The following NFIA variants were observed in gnomAD, a reference collection of about 807,000 sequenced individuals.
NFIA encodes nuclear factor 1 A-type.
Under a neutral mutation model 62.8 loss-of-function variants are expected in NFIA, and 8 were observed. The ratio of observed to expected loss-of-function variants is 0.13; its 90% confidence interval spans 0.07 to 0.23. NFIA has a LOEUF of 0.23. Among genes scored for constraint, NFIA ranks in the 10% least tolerant of loss-of-function variants. The pLI, the probability that NFIA is intolerant of heterozygous loss-of-function variation, is 1.00. For synonymous variants in NFIA, 235 were observed against 238.1 expected, an observed-to-expected ratio of 0.99 and a Z score of 0.12; for missense variants, 410 against 642.1, an observed-to-expected ratio of 0.64 and a Z score of 3.91.
At chr1:61,371,743 G>A (rs1663896751) in intron 6 of NFIA, among the ~76,000 whole-genome samples, 1 of 152,076 alleles carries the variant, frequency 6.6e-6, no homozygotes, top group Non-Finnish European at 1.5e-5. Flanking sequence ...TCATTTGAGA[G>A]TTAGTAAGTG....
intron 4 of NFIA, among the ~76,000 whole-genome samples, chr1:61,337,274 C>T (rs544344500): frequency 2.6e-5 from 4 of 152,088 alleles, no homozygotes; most frequent in African/African-American, 9.6e-5. Flanking sequence ...AAGCTGCAAT[C>T]TTCCGTGAAC....
intron 2 of NFIA, among the ~76,000 whole-genome samples, chr1:61,240,983 T>C (rs1477675282): frequency 2.0e-5 from 3 of 151,686 alleles, no homozygotes; most frequent in East Asian, 3.9e-4. Flanking sequence ...TTTTTTTTTT[T>C]AGTCCAGTTC....
chr1:61,430,395 C>A (rs549769018), intron 10 of NFIA, among the ~76,000 whole-genome samples: 10 of 152,296 alleles, frequency 6.6e-5, no homozygotes, highest in Non-Finnish European at 1.2e-4. Context: ...TGTAGTCCTA[C>A]TGTTAACATT....
At chr1:61,325,137 G>A (rs1293857488) in intron 3 of NFIA, among the ~76,000 whole-genome samples, 3 of 152,094 alleles carry the variant, frequency 2.0e-5, no homozygotes, top group Admixed American at 1.3e-4. Context: ...TTTTCTGAGA[G>A]GCCCTATTCA....
At chr1:61,259,124 A>G (rs917704583) in intron 2 of NFIA, among the ~76,000 whole-genome samples, 1 of 152,220 alleles carries the variant, frequency 6.6e-6, no homozygotes, top group Non-Finnish European at 1.5e-5. Flanking sequence ...TTATATTTCA[A>G]ATATTACATT....
At chr1:61,156,828 G>T (rs1245568969) in intron 2 of NFIA, among the ~76,000 whole-genome samples, 2 of 152,194 alleles carry the variant, frequency 1.3e-5, no homozygotes, top group Non-Finnish European at 2.9e-5. Flanking sequence ...CTTTAAAAGG[G>T]TTTCCTCTTT....
chr1:61,083,976 AAT>A (rs1161826433), intron 1 of NFIA, among the ~76,000 whole-genome samples: 1 of 151,544 alleles, frequency 6.6e-6, no homozygotes, highest in African/African-American at 2.4e-5. Context: ...GTCCCCTTTG[AAT>A]ATGTTATTTG....
chr1:61,449,138 C>T (rs1401212440), intron 10 of NFIA, among the ~76,000 whole-genome samples: 2 of 152,190 alleles, frequency 1.3e-5, no homozygotes, highest in African/African-American at 4.8e-5. Context: ...CAGTTGGCCG[C>T]AACTGGCCCC....
intron 2 of NFIA, among the ~76,000 whole-genome samples, chr1:61,203,594 C>T (rs1652681018): frequency 6.6e-6 from 1 of 152,076 alleles, no homozygotes; most frequent in Non-Finnish European, 1.5e-5. Flanking sequence ...GTCCAGCCTT[C>T]CTTGATTAGC....
chr1:61,373,576 TCTCTATCATGTTTTAA>T, intron 6 of NFIA, among the ~76,000 whole-genome samples: 1 of 152,190 alleles, frequency 6.6e-6, no homozygotes, highest in South Asian at 2.1e-4. Context: ...AAGCTCTAGC[TCTCTATCATGTTTTAA>T]CTGACAGAAG....
At chr1:61,232,089 A>G (rs1654710725) in intron 2 of NFIA, among the ~76,000 whole-genome samples, 1 of 152,210 alleles carries the variant, frequency 6.6e-6, no homozygotes, top group Non-Finnish European at 1.5e-5. Context: ...AATGTAATGC[A>G]TTGGGAAAGT....
At chr1:61,152,151 T>C (rs971362918) in intron 2 of NFIA, among the ~76,000 whole-genome samples, 1 of 152,132 alleles carries the variant, frequency 6.6e-6, no homozygotes, top group African/African-American at 2.4e-5. Flanking sequence ...TTTATGGTTG[T>C]TTATTCTCTC....
At chr1:61,228,214 T>C (rs1654451724) in intron 2 of NFIA, among the ~76,000 whole-genome samples, 1 of 152,204 alleles carries the variant, frequency 6.6e-6, no homozygotes, top group Admixed American at 6.5e-5. Context: ...ATGTGATCTG[T>C]ATGTAAGTGT....
At chr1:61,213,350 A>G (rs960073605) in intron 2 of NFIA, among the ~76,000 whole-genome samples, 1 of 152,192 alleles carries the variant, frequency 6.6e-6, no homozygotes, top group South Asian at 2.1e-4. Context: ...TGAATGTTTC[A>G]ATGTCAACAG....
intron 2 of NFIA, among the ~76,000 whole-genome samples, chr1:61,270,939 C>T (rs985705255): frequency 2.0e-5 from 3 of 152,156 alleles, no homozygotes; most frequent in Non-Finnish European, 4.4e-5. Context: ...AGCGTCTTCT[C>T]AAAGAAAATG....
chr1:61,347,364 G>A (rs1348087969), intron 4 of NFIA, among the ~76,000 whole-genome samples: 3 of 151,710 alleles, frequency 2.0e-5, no homozygotes, highest in East Asian at 3.9e-4. Context: ...TAGCAGAGAT[G>A]GAGTTTCACC....
At chr1:61,281,020 G>A (rs113690736) in intron 3 of NFIA, among the ~76,000 whole-genome samples, 2,999 of 152,152 alleles carry the variant, frequency 0.02, 52 homozygotes, top group African/African-American at 0.046. Context: ...GAGGTGAGTC[G>A]ATCACTTGAG....
intron 4 of NFIA, among the ~76,000 whole-genome samples, chr1:61,346,659 G>T (rs1401419789): frequency 1.3e-5 from 2 of 152,060 alleles, no homozygotes; most frequent in Admixed American, 6.5e-5. Context: ...ATTCCCTTCT[G>T]CTGGGACACT....
chr1:61,361,465 A>G (rs1329649821), intron 6 of NFIA, among the ~76,000 whole-genome samples: 1 of 152,282 alleles, frequency 6.6e-6, no homozygotes, highest in East Asian at 1.9e-4. Flanking sequence ...GGTTTGGTAC[A>G]TTTGTGCTTG....
Sources: allele counts gnomAD v4.1 joint callset (sites outside exome capture counted in the v4.1 genomes callset), GRCh38; gene constraint gnomAD v4.1.1; transcripts MANE v1.5; gene names NCBI Gene and HGNC (gene_info 2026-07-23, HGNC 2026-07-21).